Variants in SMARCA4 observed in about 807,000 individuals in gnomAD.
SMARCA4 encodes the protein SWI/SNF related BAF chromatin remodeling complex subunit ATPase 4.
In SMARCA4, 31 loss-of-function variants were observed where a neutral mutation model predicts 193.9. The ratio of observed to expected loss-of-function variants is 0.16; its 90% CI spans 0.12 to 0.22. The LOEUF is 0.22. Ranked by LOEUF, SMARCA4 falls within the 10% of genes least tolerant of loss-of-function variation. The probability of loss-of-function intolerance (pLI) is 1.00; values close to 1 mark genes in which losing one functional copy is unlikely to be tolerated. For synonymous variants in SMARCA4, 942 were observed against 933.1 expected, an observed-to-expected ratio of 1.01 and a Z score of -0.17; for missense variants, 1,148 against 2,296.0, an observed-to-expected ratio of 0.50 and a Z score of 10.22.
chr19:10,971,978 C>T (rs534854481), intron 1 of SMARCA4, among the ~76,000 whole-genome samples: 35 of 139,656 alleles, frequency 2.5e-4, no homozygotes, highest in Middle Eastern at 4.2e-3. Context: ...TTTTTTGAGA[C>T]GGAGTCTCGC....
chr19:10,962,108 T>TTCAA (rs1343316767), intron 1 of SMARCA4, among the ~76,000 whole-genome samples: 1 of 152,068 alleles, frequency 6.6e-6, no homozygotes, highest in Non-Finnish European at 1.5e-5. Context: ...TGATTCCTGG[T>TTCAA]GCTGTCAGTC....
chr19:11,042,428 A>AG (rs973884433), intron 30 of SMARCA4, among the ~76,000 whole-genome samples: 3 of 152,260 alleles, frequency 2.0e-5, no homozygotes, highest in Admixed American at 6.5e-5. Context: ...TGCCTGGCCC[A>AG]GGACTCACCC....
In SMARCA4 at chr19:10,986,463, G is replaced by A. The variant is rs1043452739; in HGVS notation, c.630G>A (p.Met210Ile). 2 of 1,556,854 alleles carry A rather than the reference G, an allele frequency of 1.3e-6. No individual in the cohort carries two copies. Among genetic ancestry groups the A allele is most frequent in the Non-Finnish European group, 1.7e-6 (2 of 1,151,320 alleles). ...TGGCGGTGCAGGGCAAGCGGCCGAT[G>A]CCCGGGATGCAGCAGCAGATGCCAA... The part of the protein sequence containing the change: ...LQMAVQGKRP[M>I]PGMQQQMPTL... The change falls in exon 4 of 35, where the codon ATG (methionine) becomes ATA (isoleucine). Residue 210 changes from methionine (M) to isoleucine (I), a missense_variant. Around this residue, in one of 17 missense-constraint regions of SMARCA4, gnomAD observed 257 missense variants for 276.5 expected, o/e 0.93. Coordinates refer to ENST00000344626, the MANE Select transcript of SMARCA4 (RefSeq NM_003072.5). This position sits in a 1 kb window ranked among gnomAD's most constrained non-coding sequence, Gnocchi z 6.7.
chr19:11,024,113 C>G lies in SMARCA4; in HGVS notation c.2974-218C>G, dbSNP rs553239299. On this transcript the variant is annotated intron_variant, in intron 20 of 34. Transcript: ENST00000344626. The stretch of plus-strand genomic sequence containing the variant: ...CCAGAAGATGGCTGGGGGGCCCTTT[C>G]TGGCCCAGTAACCCTCTGGTATCTC... Among the ~76,000 whole-genome samples, 3 of 152,308 alleles carry G rather than the reference C, an allele frequency of 2.0e-5. No individual in the cohort carries two copies. The South Asian group carries it at 6.2e-4, about 32-fold the overall frequency.
chr19:11,010,205 A>C (rs1426757337), intron 14 of SMARCA4, among the ~76,000 whole-genome samples, 176 bp from the exon 15 acceptor site: 1 of 152,184 alleles, frequency 6.6e-6, no homozygotes, highest in African/African-American at 2.4e-5. Context: ...CCTCAGGCTT[A>C]GTGCGGGCTG....
intron 1 of SMARCA4, among the ~76,000 whole-genome samples, chr19:10,965,954 T>A (rs1164539024): frequency 2.8e-5 from 4 of 144,574 alleles, no homozygotes; most frequent in Non-Finnish European, 6.0e-5. Context: ...AAAGGGAGAG[T>A]GTGTTTAGTG....
intron 29 of SMARCA4, among the ~76,000 whole-genome samples, chr19:11,038,966 A>T (rs2075417812): frequency 6.6e-6 from 1 of 152,194 alleles, no homozygotes; most frequent in Non-Finnish European, 1.5e-5. Flanking sequence ...TGTGCCTGTA[A>T]TCCCAGCACT....
intron 14 of SMARCA4, 70 bp from the exon 15 acceptor site, chr19:11,010,311 T>C (rs893527743): frequency 1.3e-6 from 2 of 1,549,630 alleles, no homozygotes; most frequent in Non-Finnish European, 1.8e-6. Flanking sequence ...GCAGAGCTTG[T>C]GTCAGGAGCC....
chr19:11,040,284 A>G (rs1487523474), intron 29 of SMARCA4: 2 of 151,512 alleles, frequency 1.3e-5, no homozygotes, highest in Non-Finnish European at 1.5e-5. Context: ...TCAAAAATAT[A>G]AAAATAATTT....
In SMARCA4 at chr19:11,033,182, G is replaced by C; in HGVS notation, c.3547-108G>C. 1.2e-6 allele frequency: 1 copy of C among 857,652 alleles called. No individual in the cohort carries two copies. Among genetic ancestry groups the C allele is most frequent in the Non-Finnish European group, 2.0e-6 (1 of 509,798 alleles). 53.1% of individuals were successfully genotyped at this position (857,652 alleles called of 1,614,324 possible). ...CAGGTCAGGCTGGGCAGAATTGTCAGGCCGAGGGTGGCACGCACAGCACAC... is the reference window on the plus strand; with the variant it reads ...CAGGTCAGGCTGGGCAGAATTGTCACGCCGAGGGTGGCACGCACAGCACAC... On this transcript the variant is annotated intron_variant, in intron 25 of 34. Coordinates refer to ENST00000344626, the MANE Select transcript of SMARCA4 (RefSeq NM_003072.5). The surrounding 1 kb of genome is among the most constrained non-coding windows in gnomAD (Gnocchi z 9.8).
Position 11,031,173 on chromosome 19 carries a change from G to A in SMARCA4, c.3546+280G>A. 2.2e-6 allele frequency: 1 copy of A among 464,222 alleles called. No individual in the cohort carries two copies. 28.8% of individuals were successfully genotyped at this position (464,222 alleles called of 1,614,324 possible). On this transcript the variant is annotated intron_variant, in intron 25 of 34. Coordinates refer to ENST00000344626, the MANE Select transcript of SMARCA4 (RefSeq NM_003072.5). The surrounding 1 kb of genome is among the most constrained non-coding windows in gnomAD (Gnocchi z 4.3). ...TCTTAAATCTTGGAATGGCACCCATGAGGAGGTGGAAAGTATCCTGATCAA... is the reference window on the plus strand; with the variant it reads ...TCTTAAATCTTGGAATGGCACCCATAAGGAGGTGGAAAGTATCCTGATCAA...
chr19:11,021,473 A>G (rs577108049), intron 18 of SMARCA4: 24 of 610,144 alleles, frequency 3.9e-5, no homozygotes, highest in East Asian at 1.8e-4. Flanking sequence ...CTTTTTTGCA[A>G]TTTGCATTGT....
chr19:11,009,140 G>A (rs1002150126), intron 14 of SMARCA4, among the ~76,000 whole-genome samples: 5 of 144,202 alleles, frequency 3.5e-5, no homozygotes, highest in African/African-American at 1.3e-4. Flanking sequence ...TCTTGCCTCG[G>A]CCTCCTGAGT....
chr19:10,978,178 C>G (rs912866733), intron 1 of SMARCA4, among the ~76,000 whole-genome samples: 2 of 152,192 alleles, frequency 1.3e-5, no homozygotes, highest in African/African-American at 4.8e-5. Flanking sequence ...GAAGGCAAGC[C>G]ACAGTCCCCG....
rs1180671464 is a variant in SMARCA4, at chr19:11,058,053, C to A, written c.4425-202C>A. On this transcript the variant is annotated intron_variant, in intron 30 of 34. Coordinates refer to ENST00000344626, the MANE Select transcript of SMARCA4 (RefSeq NM_003072.5). The surrounding 1 kb of genome is among the most constrained non-coding windows in gnomAD (Gnocchi z 5.8). Reference sequence around the variant, plus strand: ...CCTGGGAGGTGGAGGTTGCAGTGAGCCGAGATCGCACCATTGCACTCCAGC... The same window carrying A: ...CCTGGGAGGTGGAGGTTGCAGTGAGACGAGATCGCACCATTGCACTCCAGC... Among the ~76,000 whole-genome samples, 1 of 151,854 alleles carries A rather than the reference C, an allele frequency of 6.6e-6. No individual in the cohort carries two copies. The highest frequency in any genetic ancestry group is 1.9e-4 in the East Asian group (1 of 5,184).
At chr19:10,970,934 C>T (rs2084618412) in intron 1 of SMARCA4, among the ~76,000 whole-genome samples, 1 of 152,198 alleles carries the variant, frequency 6.6e-6, no homozygotes, top group Non-Finnish European at 1.5e-5. Flanking sequence ...CACGGTGGCT[C>T]ACGCCTGTAA....
chr19:11,016,170 C>T (rs748771669), intron 16 of SMARCA4, among the ~76,000 whole-genome samples: 4 of 152,000 alleles, frequency 2.6e-5, no homozygotes, highest in East Asian at 1.9e-4. Context: ...GCGGGGGTGC[C>T]GGGCTCCTTT....
chr19:11,041,096 T>G lies in SMARCA4; in HGVS notation c.4171-211T>G. ...TTTTTAAAGACAAGCTTGGGTGGGG[T>G]GCCTGCTGGGGGCAGTGCTGGTCTT... is the stretch of plus-strand genomic sequence containing the variant. On this transcript the variant is annotated intron_variant, in intron 29 of 34. Transcript: ENST00000344626. This position sits in a 1 kb window ranked among gnomAD's most constrained non-coding sequence, Gnocchi z 5.6. 2 of 552,650 alleles carry G rather than the reference T, an allele frequency of 3.6e-6. No homozygotes were observed. The highest frequency in any genetic ancestry group is 2.7e-5 in the South Asian group (1 of 37,162). The allele number at this position is 552,650 out of a possible 1,614,324, so 34.2% of individuals were successfully genotyped here.
At position 10,985,743 on chromosome 19, in the gene SMARCA4, GC is replaced by G. The variant is rs1300665243; in HGVS notation, c.355+341del. 6.6e-6 allele frequency among the ~76,000 whole-genome samples: 1 copy of G among 152,176 alleles called. No homozygotes were observed. The highest frequency in any genetic ancestry group is 1.9e-4 in the East Asian group (1 of 5,196). ...GGGGCCTGGGACTCTGCTTTAATGA[GC>G]CCAGCAGGTGCCTTTTCTGTACGAG... On this transcript the variant is annotated intron_variant, in intron 3 of 34. Coordinates refer to ENST00000344626, the MANE Select transcript of SMARCA4 (RefSeq NM_003072.5). This position sits in a 1 kb window ranked among gnomAD's most constrained non-coding sequence, Gnocchi z 4.5.
Sources: allele counts gnomAD v4.1 joint callset (sites outside exome capture counted in the v4.1 genomes callset), GRCh38; gene constraint gnomAD v4.1.1; regional missense constraint gnomAD v4.1.1; non-coding constraint Gnocchi (gnomAD v3.1); transcripts MANE v1.5; gene names NCBI Gene and HGNC (gene_info 2026-07-23, HGNC 2026-07-21).